The following FRA10AC1 variants were observed in gnomAD, a reference collection of about 807,000 sequenced individuals.
The protein encoded by FRA10AC1 is FRA10A associated CGG repeat 1, also known as protein FRA10AC1.
FRA10AC1 carries 43 observed loss-of-function variants against 56.5 expected under a neutral mutation model. The observed-to-expected ratio is 0.76, with a 90% CI of 0.60 to 0.98. The LOEUF (loss-of-function observed/expected upper bound fraction) is 0.98. FRA10AC1 is among the 50% of genes least tolerant of loss of function. FRA10AC1 has a pLI of 0.00. For synonymous variants in FRA10AC1, 112 were observed against 110.5 expected, an observed-to-expected ratio of 1.01 and a Z score of -0.09; for missense variants, 346 against 351.8, an observed-to-expected ratio of 0.98 and a Z score of 0.13.
intron 4 of FRA10AC1, 41 bp downstream of exon 4, chr10:93,698,095 A>G: frequency 8.6e-7 from 1 of 1,167,274 alleles, no homozygotes; most frequent in Non-Finnish European, 1.2e-6. Context: ...ATTTTAAAAT[A>G]TTCTACTAGT....
At chr10:93,697,962 A>G (rs576601164) in intron 4 of FRA10AC1, among the ~76,000 whole-genome samples, 174 bp downstream of exon 4, 7 of 152,306 alleles carry the variant, frequency 4.6e-5, no homozygotes, top group Non-Finnish European at 7.4e-5. Flanking sequence ...TCTTTCCTAT[A>G]TATTAGTAAA....
chr10:93,680,061 A>T (rs906944121), intron 11 of FRA10AC1, among the ~76,000 whole-genome samples: 2 of 152,174 alleles, frequency 1.3e-5, no homozygotes, highest in Non-Finnish European at 2.9e-5. Context: ...GAAGGGTCCA[A>T]CCTTAGCCCT....
chr10:93,697,009 G>C (rs1443458563), intron 4 of FRA10AC1, among the ~76,000 whole-genome samples: 1 of 152,068 alleles, frequency 6.6e-6, no homozygotes, highest in Non-Finnish European at 1.5e-5. Flanking sequence ...CATGGTACAT[G>C]TATACCCTAT....
chr10:93,693,551 CACAT>C lies in FRA10AC1; in HGVS notation c.297-826_297-823del, dbSNP rs1306191142. ...TACACCATATATATATATATATACA[CACAT>C]ACATACACCATATATATATACACAC... is the stretch of plus-strand genomic sequence containing the variant. On this transcript the variant is annotated intron_variant, in intron 5 of 13. Transcript: ENST00000359204. 7.3e-3 allele frequency among the ~76,000 whole-genome samples: 921 copies of C among 125,768 alleles called. 41 individuals are homozygous for C. Among genetic ancestry groups the C allele is most frequent in the African/African-American group, 0.029 (884 of 30,150 alleles). 82.5% of individuals were successfully genotyped at this position (125,768 alleles called of 152,430 possible). A position where few individuals can be genotyped will look rare whatever the true frequency, so the allele number is the denominator to read the frequency against.
intron 12 of FRA10AC1, chr10:93,675,696 C>T (rs1373145467): frequency 5.8e-6 from 2 of 347,256 alleles, no homozygotes; most frequent in Non-Finnish European, 1.2e-5. Context: ...AAGAGCATGA[C>T]TCCATCTCCA....
At chr10:93,672,057 G>A (rs2058771809) in intron 12 of FRA10AC1, 1 of 450,176 alleles carries the variant, frequency 2.2e-6, no homozygotes, top group Admixed American at 2.4e-5. Context: ...AGTTACATTA[G>A]CAGACAACTC....
At chr10:93,702,603 G>T, upstream of FRA10AC1, 1 of 214,844 alleles carries the variant, frequency 4.7e-6, no homozygotes, top group South Asian at 5.7e-5. Flanking sequence ...GGTCCGACAC[G>T]GCCACGTGTT....
At chr10:93,687,235 C>T (rs780805838) in intron 8 of FRA10AC1, among the ~76,000 whole-genome samples, 169 bp downstream of exon 8, 1 of 151,736 alleles carries the variant, frequency 6.6e-6, no homozygotes, top group South Asian at 2.1e-4. Flanking sequence ...ATCATTAAAG[C>T]ATTATATTCA....
chr10:93,701,026 G>A (rs1436674920), intron 1 of FRA10AC1, among the ~76,000 whole-genome samples: 1 of 152,016 alleles, frequency 6.6e-6, no homozygotes, highest in Admixed American at 6.5e-5. Context: ...TGTAGATAAG[G>A]GGTTTCGCCA....
chr10:93,681,363 C>T (rs774204018), intron 11 of FRA10AC1, 117 bp downstream of exon 11: 1 of 693,514 alleles, frequency 1.4e-6, no homozygotes, highest in Non-Finnish European at 2.4e-6. Context: ...CCAGTTTCCT[C>T]TCAACTACCA....
intron 1 of FRA10AC1, among the ~76,000 whole-genome samples, chr10:93,701,642 T>C (rs955738391): frequency 2.0e-5 from 3 of 152,174 alleles, no homozygotes; most frequent in Non-Finnish European, 4.4e-5. Context: ...GTTCCAACTC[T>C]ACCCTCCCTT....
At chr10:93,696,310 C>A (rs1452737726) in intron 4 of FRA10AC1, among the ~76,000 whole-genome samples, 2 of 152,166 alleles carry the variant, frequency 1.3e-5, no homozygotes, top group East Asian at 3.9e-4. Flanking sequence ...AAATCGTCAA[C>A]AAAAGCTGTT....
chr10:93,684,244 T>A (rs972665302), intron 9 of FRA10AC1, 146 bp from the exon 10 acceptor site: 3 of 606,708 alleles, frequency 4.9e-6, no homozygotes, highest in Admixed American at 2.7e-5. Flanking sequence ...CTGACCTTCA[T>A]CACCTCAAAA....
intron 13 of FRA10AC1, 134 bp from the exon 14 acceptor site, chr10:93,670,002 C>T: frequency 4.0e-6 from 2 of 499,858 alleles, no homozygotes; most frequent in Non-Finnish European, 7.1e-6. Flanking sequence ...CAATATATTG[C>T]CATGATTCAG....
intron 12 of FRA10AC1, among the ~76,000 whole-genome samples, 168 bp downstream of exon 12, chr10:93,676,485 A>T (rs1382215633): frequency 1.3e-5 from 2 of 152,194 alleles, no homozygotes; most frequent in African/African-American, 4.8e-5. Context: ...TTAATTGGGG[A>T]ATAAATCCTA....
rs2058706421 is a variant in FRA10AC1 at position 93,667,915 on chromosome 10, G to A, written c.*1911C>T. ...AAAAAAAACAATTTATTCAAGAAGTGAGGGGACTATCAAACAATGTTAAAC... is the reference window on the plus strand; with the variant it reads ...AAAAAAAACAATTTATTCAAGAAGTAAGGGGACTATCAAACAATGTTAAAC... On this transcript the variant is annotated 3_prime_UTR_variant, in exon 14 of 14. Transcript: ENST00000359204. The A allele has an allele frequency of 1.3e-5, 2 of 152,148 alleles. No homozygotes were observed. The highest frequency in any genetic ancestry group is 4.1e-4 in the South Asian group (2 of 4,830). 9.4% of individuals were successfully genotyped at this position (152,148 alleles called of 1,614,324 possible). A position where few individuals can be genotyped will look rare whatever the true frequency, so the allele number is the denominator to read the frequency against.
chr10:93,691,223 T>C (rs974367469), intron 7 of FRA10AC1, among the ~76,000 whole-genome samples: 2 of 152,152 alleles, frequency 1.3e-5, no homozygotes, highest in Non-Finnish European at 2.9e-5. Context: ...TCACCCACAC[T>C]GAAATGCAGT....
chr10:93,690,084 T>C (rs890852862), intron 7 of FRA10AC1, among the ~76,000 whole-genome samples: 12 of 152,270 alleles, frequency 7.9e-5, no homozygotes, highest in African/African-American at 2.6e-4. Flanking sequence ...GTATCTACTA[T>C]ATATATTAGG....
intron 10 of FRA10AC1, among the ~76,000 whole-genome samples, chr10:93,681,828 TAAG>T (rs2133909543): frequency 6.6e-6 from 1 of 152,246 alleles, no homozygotes; most frequent in East Asian, 1.9e-4. Flanking sequence ...TTACTTTCTA[TAAG>T]TTCTGTATAC....
Sources: allele counts gnomAD v4.1 joint callset (sites outside exome capture counted in the v4.1 genomes callset), GRCh38; gene constraint gnomAD v4.1.1; transcripts MANE v1.5; gene names NCBI Gene and HGNC (gene_info 2026-07-23, HGNC 2026-07-21).